Variants in SMAD4 observed in about 807,000 individuals in gnomAD.
SMAD4 encodes the protein MAD homolog 4.
In SMAD4, 7 loss-of-function variants were observed where a neutral mutation model predicts 63.2. The ratio of observed to expected loss-of-function variants is 0.11; its 90% CI spans 0.06 to 0.21. The LOEUF (loss-of-function observed/expected upper bound fraction) is 0.21, where lower values mean the gene tolerates loss of function less well. Ranked by LOEUF, SMAD4 falls within the 10% of genes least tolerant of loss-of-function variation. The pLI is 1.00. For synonymous variants in SMAD4, 215 were observed against 235.4 expected, an observed-to-expected ratio of 0.91 and a Z score of 0.79; for missense variants, 312 against 693.8, an observed-to-expected ratio of 0.45 and a Z score of 6.18.
chr18:51,046,467 A>C (rs983328777), intron 1 of SMAD4, among the ~76,000 whole-genome samples: 1 of 141,356 alleles, frequency 7.1e-6, no homozygotes, highest in African/African-American at 2.6e-5. Context: ...GGTCTCTTTT[A>C]ACAAAGGTGA....
intron 10 of SMAD4, among the ~76,000 whole-genome samples, chr18:51,076,436 T>C (rs1910472487): frequency 6.6e-6 from 1 of 152,214 alleles, no homozygotes; most frequent in Non-Finnish European, 1.5e-5. Context: ...GATGTTGACA[T>C]GATCTTCTTG....
chr18:51,066,360 A>G (rs1568208544), intron 9 of SMAD4, among the ~76,000 whole-genome samples: 1 of 152,044 alleles, frequency 6.6e-6, no homozygotes, highest in Admixed American at 6.6e-5. Context: ...AAAAAAAAAA[A>G]AAGTTTATAT....
rs1910140246 is a variant in SMAD4 at position 51,066,020 on chromosome 18, T to A, written c.1139+414T>A. On this transcript the variant is annotated intron_variant, in intron 9 of 11. Transcript: ENST00000342988. ...AAATGGTTAAGTAAATTATGATAAA[T>A]TTTTCCTTTTTTATACAGTCATTAA... 5.3e-5 allele frequency among the ~76,000 whole-genome samples: 8 copies of A among 150,468 alleles called. No homozygotes were observed. In the South Asian group the frequency reaches 1.7e-3, roughly 32 times the overall value.
intron 10 of SMAD4, among the ~76,000 whole-genome samples, chr18:51,074,976 C>G (rs1368915080): frequency 6.6e-6 from 1 of 152,186 alleles, no homozygotes; most frequent in African/African-American, 2.4e-5. Flanking sequence ...TCCCAAAGTG[C>G]TGGGATTACA....
intron 9 of SMAD4, among the ~76,000 whole-genome samples, 153 bp downstream of exon 9, chr18:51,065,759 C>T (rs1270217931): frequency 2.0e-5 from 3 of 152,192 alleles, no homozygotes; most frequent in Non-Finnish European, 2.9e-5. Context: ...TTTGTAAGCA[C>T]TCCATCTTAA....
intron 4 of SMAD4, among the ~76,000 whole-genome samples, chr18:51,050,865 G>C (rs957714439): frequency 6.6e-6 from 1 of 151,942 alleles, no homozygotes; most frequent in African/African-American, 2.4e-5. Flanking sequence ...ACTGGTAATG[G>C]AGGAAGACTC....
At chr18:51,066,893 C>T (rs1037640985) in intron 9 of SMAD4, 126 bp from the exon 10 acceptor site, 1 of 713,466 alleles carries the variant, frequency 1.4e-6, no homozygotes, top group African/African-American at 1.8e-5. Flanking sequence ...ATGTTAATAG[C>T]TATCTTTTGG....
rs1355614474 is a variant in SMAD4 at position 51,040,735 on chromosome 18, CAATT to C, written c.-127-6181_-127-6178del. ...ATGGTCAACGTCAGGTGACAGCTTACAATTAATAGCAAGGCTAGAGGAAAAACAA... is the reference window on the plus strand; with the variant it reads ...ATGGTCAACGTCAGGTGACAGCTTACAATAGCAAGGCTAGAGGAAAAACAA... On this transcript the variant is annotated intron_variant, in intron 1 of 11. Transcript: ENST00000342988. Among the ~76,000 whole-genome samples, 3 of 152,316 alleles carry C rather than the reference CAATT, an allele frequency of 2.0e-5. No individual in the cohort carries two copies. In the East Asian group the frequency reaches 5.8e-4, roughly 29 times the overall value.
chr18:51,077,212 G>T (rs779564750), intron 11 of SMAD4: 15 of 162,238 alleles, frequency 9.2e-5, no homozygotes, highest in East Asian at 7.7e-4. Flanking sequence ...CTAAGTGAGG[G>T]TGGTATTTTG....
Position 51,080,622 on chromosome 18 carries a change from A to C in SMAD4, c.*2155A>C, listed in dbSNP as rs1455097170. The C allele has an allele frequency of 5.5e-6, 1 of 181,524 alleles. No homozygotes were observed. The highest frequency in any genetic ancestry group is 1.2e-5 in the Non-Finnish European group (1 of 85,190). The allele number at this position is 181,524 out of a possible 1,614,324, so 11.2% of individuals were successfully genotyped here. The stretch of plus-strand genomic sequence containing the variant: ...AGTGGTATGATCTCAGCTCACTGCA[A>C]CCTCTGCCTCCCGGGTTCAACTGAT... On this transcript the variant is annotated 3_prime_UTR_variant, in exon 12 of 12. Transcript: ENST00000342988.
chr18:51,032,545 C>T (rs1020784562), intron 1 of SMAD4, among the ~76,000 whole-genome samples: 1 of 152,216 alleles, frequency 6.6e-6, no homozygotes, highest in Admixed American at 6.5e-5. Flanking sequence ...TCTTAAGCTA[C>T]ATTTTAGTCG....
At chr18:51,074,716 T>A (rs1910428746) in intron 10 of SMAD4, among the ~76,000 whole-genome samples, 1 of 152,232 alleles carries the variant, frequency 6.6e-6, no homozygotes, top group Non-Finnish European at 1.5e-5. Flanking sequence ...TATTTACCTT[T>A]TCAAATGTTT....
At chr18:51,071,036 C>T (rs894055156) in intron 10 of SMAD4, among the ~76,000 whole-genome samples, 2 of 152,134 alleles carry the variant, frequency 1.3e-5, no homozygotes, top group South Asian at 4.1e-4. Context: ...CATGCATCCA[C>T]TGGAAGTCTT....
intron 1 of SMAD4, among the ~76,000 whole-genome samples, chr18:51,044,467 C>T (rs1909479422): frequency 6.6e-6 from 1 of 152,182 alleles, no homozygotes; most frequent in Admixed American, 6.5e-5. Flanking sequence ...TCACAGCTCA[C>T]CAAGGCCTTG....
Position 51,065,843 on chromosome 18 carries a change from C to T in SMAD4, c.1139+237C>T, listed in dbSNP as rs1450942612. Among the ~76,000 whole-genome samples the T allele has an allele frequency of 2.6e-5, 4 of 151,836 alleles. No individual in the cohort carries two copies. The East Asian group carries it at 7.7e-4, about 29-fold the overall frequency. On this transcript the variant is annotated intron_variant, in intron 9 of 11. Transcript: ENST00000342988. ...TTTATGTTAGTAGGTTTCTATGTTT[C>T]GAATAGTAAGTATACCTTTTGAAAT...
intron 1 of SMAD4, among the ~76,000 whole-genome samples, chr18:51,035,512 AAAAT>A (rs549968734): frequency 9.2e-5 from 14 of 152,168 alleles, no homozygotes; most frequent in South Asian, 2.1e-4. Flanking sequence ...CCTCATCTCT[AAAAT>A]AAATAAATAA....
chr18:51,061,518 C>T (rs925903187), intron 8 of SMAD4, among the ~76,000 whole-genome samples: 26 of 152,188 alleles, frequency 1.7e-4, no homozygotes, highest in Non-Finnish European at 8.8e-5. Context: ...CATGTTGTCT[C>T]AAGTGACTGA....
In SMAD4 at chr18:51,084,037, CACACACAG is replaced by C. The variant is rs1415839490; in HGVS notation, c.*5571_*5578del. 3.0e-5 allele frequency: 7 copies of C among 230,044 alleles called. No homozygotes were observed. Among genetic ancestry groups the C allele is most frequent in the Admixed American group, 1.7e-4 (3 of 17,572 alleles). 14.3% of individuals were successfully genotyped at this position (230,044 alleles called of 1,614,324 possible). On this transcript the variant is annotated 3_prime_UTR_variant, in exon 12 of 12. Coordinates refer to ENST00000342988, the MANE Select transcript of SMAD4 (RefSeq NM_005359.6). Reference sequence around the variant, plus strand: ...GCACACACACACACACACACACACACACACACAGGTCAGAGTTTAAGGCTTTCGAGTCA... The same window carrying C: ...GCACACACACACACACACACACACACGTCAGAGTTTAAGGCTTTCGAGTCA...
intron 1 of SMAD4, among the ~76,000 whole-genome samples, chr18:51,035,135 GTGTC>G (rs964532286): frequency 2.0e-5 from 3 of 152,094 alleles, no homozygotes; most frequent in Non-Finnish European, 2.9e-5. Flanking sequence ...CTTTGCTTCT[GTGTC>G]TGTCTCTTTC....
Sources: allele counts gnomAD v4.1 joint callset (sites outside exome capture counted in the v4.1 genomes callset), GRCh38; gene constraint gnomAD v4.1.1; transcripts MANE v1.5; gene names NCBI Gene and HGNC (gene_info 2026-07-23, HGNC 2026-07-21).